Variants in PPP1R42 observed in about 807,000 individuals in gnomAD.
The protein encoded by PPP1R42 is protein phosphatase 1 regulatory subunit 42, also known as leucine rich repeat containing 67.
A neutral mutation model predicts 31.0 loss-of-function variants in PPP1R42; 34 were observed. That is an observed-to-expected ratio of 1.10 (90% CI 0.83 to 1.46). The LOEUF (loss-of-function observed/expected upper bound fraction) is 1.46, where lower values mean the gene tolerates loss of function less well. PPP1R42 is among the 40% of genes most tolerant of loss of function. PPP1R42 has a pLI of 0.00. For synonymous variants in PPP1R42, 103 were observed against 109.8 expected, an observed-to-expected ratio of 0.94 and a Z score of 0.39; for missense variants, 268 against 303.0, an observed-to-expected ratio of 0.88 and a Z score of 0.86.
At chr8:67,021,585 TAAG>T (rs1816217651) in intron 1 of PPP1R42, among the ~76,000 whole-genome samples, 3 of 152,142 alleles carry the variant, frequency 2.0e-5, no homozygotes, top group Admixed American at 1.3e-4. Context: ...GATAAAAGTA[TAAG>T]AATAGTATAA....
chr8:67,023,749 T>C (rs926691931), intron 1 of PPP1R42, among the ~76,000 whole-genome samples: 1 of 152,158 alleles, frequency 6.6e-6, no homozygotes, highest in African/African-American at 2.4e-5. Flanking sequence ...ACTTGTCTTA[T>C]TGCTGATCTC....
At chr8:67,004,817 T>C (rs1371169366) in intron 5 of PPP1R42, among the ~76,000 whole-genome samples, 1 of 152,190 alleles carries the variant, frequency 6.6e-6, no homozygotes, top group Non-Finnish European at 1.5e-5. Flanking sequence ...TTCATGAAAG[T>C]GAATGAGAGC....
chr8:66,975,372 G>T (rs1814639089), intron 7 of PPP1R42, among the ~76,000 whole-genome samples: 1 of 152,164 alleles, frequency 6.6e-6, no homozygotes, highest in Non-Finnish European at 1.5e-5. Context: ...TTTGGGCGGG[G>T]CGCAGTGGCT....
At chr8:66,984,167 C>T (rs919441444) in intron 6 of PPP1R42, 139 of 1,592,804 alleles carry the variant, frequency 8.7e-5, no homozygotes, top group Admixed American at 3.5e-4. Context: ...TCACTCAGCG[C>T]AAGGTCCCAG....
chr8:67,023,209 C>G lies in PPP1R42; in HGVS notation c.-85+5282G>C, dbSNP rs2129537220. On this transcript the variant is annotated intron_variant, in intron 1 of 7. Coordinates refer to ENST00000685739, the MANE Select transcript of PPP1R42 (RefSeq NM_001364910.1). ...CACTGCAGTTTCCATCTCCCAGTCTCAAGGGATCCTCCCATCTCAGCCTTC... is the reference window on the plus strand; with the variant it reads ...CACTGCAGTTTCCATCTCCCAGTCTGAAGGGATCCTCCCATCTCAGCCTTC... 1.3e-5 allele frequency among the ~76,000 whole-genome samples: 2 copies of G among 148,340 alleles called. 1 individual carries two copies. Among genetic ancestry groups the G allele is most frequent in the South Asian group, 4.2e-4 (2 of 4,746 alleles).
At chr8:67,013,766 C>G (rs144142680) in intron 3 of PPP1R42, among the ~76,000 whole-genome samples, 37 of 152,164 alleles carry the variant, frequency 2.4e-4, no homozygotes, top group African/African-American at 8.7e-4. Flanking sequence ...GGCCTAACCC[C>G]TGGAGATTCT....
chr8:66,988,927 C>T (rs1253976554), intron 5 of PPP1R42, among the ~76,000 whole-genome samples: 2 of 149,878 alleles, frequency 1.3e-5, no homozygotes, highest in African/African-American at 4.9e-5. Flanking sequence ...TTTTATTTTA[C>T]AAAGAATGCA....
intron 1 of PPP1R42, among the ~76,000 whole-genome samples, chr8:67,018,271 C>G (rs2129537058): frequency 0.016 from 1 of 64 alleles, no homozygotes; most frequent in South Asian, 0.25. Context: ...AGCGTGCTAC[C>G]ACGCCCCAGC....
chr8:66,996,318 C>T (rs1255038630), intron 5 of PPP1R42, among the ~76,000 whole-genome samples: 1 of 152,208 alleles, frequency 6.6e-6, no homozygotes, highest in Non-Finnish European at 1.5e-5. Flanking sequence ...TCCCAAAGTG[C>T]TGGGATCACA....
At chr8:66,977,766 A>G (rs979048918) in intron 7 of PPP1R42, among the ~76,000 whole-genome samples, 7 of 152,068 alleles carry the variant, frequency 4.6e-5, no homozygotes, top group African/African-American at 1.4e-4. Flanking sequence ...TTGGCCTCCA[A>G]AAGTGCTGGG....
intron 4 of PPP1R42, 28 bp from the exon 5 acceptor site, chr8:67,010,859 T>C: frequency 6.5e-7 from 1 of 1,544,294 alleles, no homozygotes; most frequent in Non-Finnish European, 8.8e-7. Context: ...AAGTTAGCAT[T>C]AGTAAATAGT....
At chr8:67,018,416 C>T (rs1349978474) in intron 1 of PPP1R42, among the ~76,000 whole-genome samples, 1 of 151,986 alleles carries the variant, frequency 6.6e-6, no homozygotes, top group Non-Finnish European at 1.5e-5. Flanking sequence ...CCGCGCCCGA[C>T]CTCTTTTTTC....
intron 7 of PPP1R42, among the ~76,000 whole-genome samples, chr8:66,966,782 C>T (rs1814393334): frequency 6.6e-6 from 1 of 150,436 alleles, no homozygotes; most frequent in African/African-American, 2.4e-5. Flanking sequence ...GAGACTCCGT[C>T]TCCAAAAAAA....
In PPP1R42 at chr8:66,979,596, T is replaced by C. The variant is rs1352789380; in HGVS notation, c.802+2453A>G. 3.9e-5 allele frequency among the ~76,000 whole-genome samples: 6 copies of C among 152,328 alleles called. No individual in the cohort carries two copies. The East Asian group carries it at 1.2e-3, about 29-fold the overall frequency. On this transcript the variant is annotated intron_variant, in intron 7 of 7. Coordinates refer to ENST00000685739, the MANE Select transcript of PPP1R42 (RefSeq NM_001364910.1). ...CTACTAGTCTATGTTTCTGTTTTTA[T>C]ACCAGTACCATGGTGTTTTGGTTAC...
intron 1 of PPP1R42, among the ~76,000 whole-genome samples, chr8:67,020,812 G>C (rs924689390): frequency 6.6e-6 from 1 of 152,184 alleles, no homozygotes; most frequent in Non-Finnish European, 1.5e-5. Flanking sequence ...ATGCCGGGGG[G>C]CGGTGGTGCG....
At chr8:66,975,586 C>A (rs1585964246) in intron 7 of PPP1R42, among the ~76,000 whole-genome samples, 1 of 152,000 alleles carries the variant, frequency 6.6e-6, no homozygotes, top group Non-Finnish European at 1.5e-5. Flanking sequence ...GCAGAGGTTG[C>A]AATGAACTGA....
At chr8:66,980,850 T>A (rs918207953) in intron 7 of PPP1R42, among the ~76,000 whole-genome samples, 6 of 152,100 alleles carry the variant, frequency 3.9e-5, no homozygotes, top group Non-Finnish European at 5.9e-5. Context: ...AGTTCTTTTT[T>A]TTTTTTCTTT....
At chr8:67,001,801 T>C (rs1028817675) in intron 5 of PPP1R42, among the ~76,000 whole-genome samples, 1 of 152,212 alleles carries the variant, frequency 6.6e-6, no homozygotes, top group Non-Finnish European at 1.5e-5. Context: ...TATTATTTAT[T>C]TTGCCTTCAT....
chr8:66,970,159 C>T (rs921238366), intron 7 of PPP1R42, among the ~76,000 whole-genome samples: 3 of 152,034 alleles, frequency 2.0e-5, no homozygotes, highest in Non-Finnish European at 2.9e-5. Flanking sequence ...GAGATGGGGT[C>T]CCACTCTGTT....
Sources: allele counts gnomAD v4.1 joint callset (sites outside exome capture counted in the v4.1 genomes callset), GRCh38; gene constraint gnomAD v4.1.1; transcripts MANE v1.5; gene names NCBI Gene and HGNC (gene_info 2026-07-23, HGNC 2026-07-21).